The following SP3 variants were observed in gnomAD, a reference collection of about 807,000 sequenced individuals.
SP3 encodes transcription factor Sp3.
Under a neutral mutation model 70.3 loss-of-function variants are expected in SP3, and 10 were observed. The observed-to-expected ratio is 0.14, with a 90% CI of 0.09 to 0.24. The LOEUF (loss-of-function observed/expected upper bound fraction) is 0.24, where lower values mean the gene tolerates loss of function less well. Among genes scored for constraint, SP3 ranks in the 10% least tolerant of loss-of-function variants. The pLI is 1.00. For synonymous variants in SP3, 402 were observed against 333.5 expected (o/e 1.21, Z -2.24); for missense variants, 825 against 914.6 (o/e 0.90, Z 1.26).
intron 1 of SP3, chr2:173,964,773 C>T: frequency 4.6e-6 from 2 of 432,782 alleles, no homozygotes; most frequent in Non-Finnish European, 4.0e-6. Flanking sequence ...CCTCCTCTTT[C>T]CCTCCTCCTC....
At chr2:173,950,822 T>C (rs952569800) in intron 4 of SP3, among the ~76,000 whole-genome samples, 6 of 152,194 alleles carry the variant, frequency 3.9e-5, no homozygotes, top group African/African-American at 1.4e-4. Context: ...ATTAGAAAGA[T>C]AGTATACCAA....
intron 4 of SP3, among the ~76,000 whole-genome samples, chr2:173,952,750 T>G (rs1156634034): frequency 6.6e-6 from 1 of 152,178 alleles, no homozygotes; most frequent in Non-Finnish European, 1.5e-5. Flanking sequence ...ACACATACCA[T>G]GACACAGATG....
At chr2:173,916,476 CAG>C (rs974857333) in intron 5 of SP3, 2 of 151,284 alleles carry the variant, frequency 1.3e-5, no homozygotes, top group African/African-American at 2.4e-5. Context: ...TTGCACGTGA[CAG>C]AGTTACATAA....
chr2:173,920,555 CTTCCT>C (rs376873357), intron 4 of SP3, among the ~76,000 whole-genome samples: 105 of 152,076 alleles, frequency 6.9e-4, no homozygotes, highest in African/African-American at 2.4e-3. Context: ...TATCTCTATA[CTTCCT>C]TTCATTTTTA....
Position 173,965,362 on chromosome 2 carries a change from G to C in SP3, c.-191C>G. 1.6e-6 allele frequency: 1 copy of C among 639,808 alleles called. No homozygotes were observed. Among genetic ancestry groups the C allele is most frequent in the Non-Finnish European group, 2.7e-6 (1 of 372,544 alleles). 39.6% of individuals were successfully genotyped at this position (639,808 alleles called of 1,614,324 possible). ...GTGGAGCCTCCAGCCCAAAAGGGGG[G>C]AAGAGGGTGACAGCCCGCCCGGAAC... On this transcript the variant is annotated 5_prime_UTR_variant, in exon 1 of 7. Coordinates refer to ENST00000310015, the MANE Select transcript of SP3 (RefSeq NM_003111.5).
At position 173,904,852 on chromosome 2, in the gene SP3, G is replaced by A. The variant is rs1298761317; in HGVS notation, c.*5089C>T. On this transcript the variant is annotated 3_prime_UTR_variant, in exon 7 of 7. Transcript: ENST00000310015. Reference sequence around the variant, plus strand: ...ATCGGAGGCTTAGACTTTTTTTTGTGGGGGAAGGATGGAGGGGAGAAATAA... The same window carrying A: ...ATCGGAGGCTTAGACTTTTTTTTGTAGGGGAAGGATGGAGGGGAGAAATAA... 6.6e-6 allele frequency among the ~76,000 whole-genome samples: 1 copy of A among 152,050 alleles called. No homozygotes were observed. Among genetic ancestry groups the A allele is most frequent in the East Asian group, 1.9e-4 (1 of 5,192 alleles).
At position 173,902,210 on chromosome 2, in the gene SP3, T is replaced by A. The variant is rs370567538; in HGVS notation, c.*7731A>T. 6.6e-5 allele frequency among the ~76,000 whole-genome samples: 10 copies of A among 152,330 alleles called. No homozygotes were observed. The East Asian group carries it at 1.2e-3, about 18-fold the overall frequency. ...TATATCCATTGCTTAGTTTTTCAGGTCCCTTTTAAATTTCTTACTTATACT... is the reference window on the plus strand; with the variant it reads ...TATATCCATTGCTTAGTTTTTCAGGACCCTTTTAAATTTCTTACTTATACT... On this transcript the variant is annotated 3_prime_UTR_variant, in exon 7 of 7. Coordinates refer to ENST00000310015, the MANE Select transcript of SP3 (RefSeq NM_003111.5).
chr2:173,957,022 G>A (rs776956981), intron 3 of SP3, among the ~76,000 whole-genome samples: 10 of 152,016 alleles, frequency 6.6e-5, no homozygotes, highest in Admixed American at 2.0e-4. Flanking sequence ...ATCTCAATGG[G>A]ACCATAAAAA....
intron 4 of SP3, among the ~76,000 whole-genome samples, chr2:173,947,133 T>C (rs1177972025): frequency 2.6e-5 from 4 of 152,232 alleles, no homozygotes; most frequent in Non-Finnish European, 5.9e-5. Flanking sequence ...ATGAACTTAT[T>C]TCTACTTATC....
chr2:173,943,674 A>T (rs1436510147), intron 4 of SP3, among the ~76,000 whole-genome samples: 4 of 152,106 alleles, frequency 2.6e-5, no homozygotes, highest in African/African-American at 9.7e-5. Context: ...AAAGTATTGT[A>T]TTTGCTTATT....
At chr2:173,945,920 G>A (rs1164017874) in intron 4 of SP3, among the ~76,000 whole-genome samples, 1 of 152,112 alleles carries the variant, frequency 6.6e-6, no homozygotes, top group Non-Finnish European at 1.5e-5. Context: ...GAGGTCAGGA[G>A]TTCAAGACCA....
intron 4 of SP3, among the ~76,000 whole-genome samples, chr2:173,953,504 G>A (rs775157732): frequency 1.3e-5 from 2 of 152,138 alleles, no homozygotes; most frequent in African/African-American, 2.4e-5. Flanking sequence ...AGCACTTTGG[G>A]AGGCCAAGAC....
chr2:173,900,817 C>T lies in SP3; in HGVS notation c.*9124G>A, dbSNP rs903481347. ...ATTTATTTTTAAAAACCATTAAAGA[C>T]TTGAATTAATGGAGAGATACAGAAT... is the stretch of plus-strand genomic sequence containing the variant. On this transcript the variant is annotated 3_prime_UTR_variant, in exon 7 of 7. Transcript: ENST00000310015. Among the ~76,000 whole-genome samples, 26 of 152,158 alleles carry T rather than the reference C, an allele frequency of 1.7e-4. No individual in the cohort carries two copies. Among genetic ancestry groups the T allele is most frequent in the African/African-American group, 6.3e-4 (26 of 41,446 alleles).
intron 4 of SP3, among the ~76,000 whole-genome samples, chr2:173,926,081 A>C (rs1689900925): frequency 6.6e-6 from 1 of 152,196 alleles, no homozygotes; most frequent in Non-Finnish European, 1.5e-5. Context: ...AAGTATTCAA[A>C]CTGCTCTTGA....
At chr2:173,918,391 A>G (rs1238051271) in intron 5 of SP3, among the ~76,000 whole-genome samples, 1 of 152,152 alleles carries the variant, frequency 6.6e-6, no homozygotes, top group Non-Finnish European at 1.5e-5. Flanking sequence ...CAGCAAACTA[A>G]TAATTTTAGT....
At chr2:173,912,260 CTGA>C (rs2105453923) in intron 6 of SP3, among the ~76,000 whole-genome samples, 1 of 152,316 alleles carries the variant, frequency 6.6e-6, no homozygotes, top group African/African-American at 2.4e-5. Context: ...TTATACAATA[CTGA>C]AGGCCAAAGT....
intron 6 of SP3, among the ~76,000 whole-genome samples, chr2:173,912,322 G>A (rs771381081): frequency 6.6e-6 from 1 of 152,212 alleles, no homozygotes; most frequent in Non-Finnish European, 1.5e-5. Context: ...TAACCTAATA[G>A]GGAACTTGGA....
At position 173,907,218 on chromosome 2, in the gene SP3, A is replaced by G. The variant is rs1160251031; in HGVS notation, c.*2723T>C. The G allele has an allele frequency of 2.0e-5, 3 of 152,186 alleles. No individual in the cohort carries two copies. The highest frequency in any genetic ancestry group is 4.4e-5 in the Non-Finnish European group (3 of 68,002). The allele number at this position is 152,186 out of a possible 1,614,324, so 9.4% of individuals were successfully genotyped here. On this transcript the variant is annotated 3_prime_UTR_variant, in exon 7 of 7. Transcript: ENST00000310015. ...ATGTTACAACAGGAATTATTTGTAC[A>G]TAAATATATTCAATATGCACTAACT... is the stretch of plus-strand genomic sequence containing the variant.
At chr2:173,916,972 A>C (rs1437555877) in intron 5 of SP3, 1 of 152,104 alleles carries the variant, frequency 6.6e-6, no homozygotes, top group Admixed American at 6.6e-5. Context: ...GAACAGACAT[A>C]TAAAACAGTG....
Sources: allele counts gnomAD v4.1 joint callset (sites outside exome capture counted in the v4.1 genomes callset), GRCh38; gene constraint gnomAD v4.1.1; transcripts MANE v1.5; gene names NCBI Gene and HGNC (gene_info 2026-07-23, HGNC 2026-07-21).